The following IGF1R variants were observed in gnomAD, a reference collection of about 807,000 sequenced individuals.
IGF1R encodes the protein insulin like growth factor 1 receptor, also known as insulin-like growth factor 1 receptor.
Under a neutral mutation model 144.6 loss-of-function variants are expected in IGF1R, and 44 were observed. The ratio of observed to expected loss-of-function variants is 0.30; its 90% confidence interval spans 0.24 to 0.39. IGF1R has a LOEUF of 0.39. Ranked by LOEUF, IGF1R falls within the 10% of genes least tolerant of loss-of-function variation. The pLI is 1.00. For synonymous variants in IGF1R, 795 were observed against 722.8 expected, an observed-to-expected ratio of 1.10 and a Z score of -1.60; for missense variants, 1,355 against 1,833.7, an observed-to-expected ratio of 0.74 and a Z score of 4.77.
intron 2 of IGF1R, among the ~76,000 whole-genome samples, chr15:98,820,329 C>G (rs539763722): frequency 6.6e-6 from 1 of 152,220 alleles, no homozygotes; most frequent in African/African-American, 2.4e-5. Flanking sequence ...TAAGTGATAA[C>G]TGAGTTGAAA....
intron 2 of IGF1R, among the ~76,000 whole-genome samples, chr15:98,831,126 C>G (rs982145819): frequency 2.0e-5 from 3 of 152,218 alleles, no homozygotes; most frequent in African/African-American, 7.2e-5. Flanking sequence ...CCACCTCCAA[C>G]AATGGGAATC....
At chr15:98,723,408 G>A (rs1030419460) in intron 2 of IGF1R, among the ~76,000 whole-genome samples, 29 of 152,210 alleles carry the variant, frequency 1.9e-4, no homozygotes, top group Admixed American at 3.9e-4. Context: ...ATGGGCAAAT[G>A]AAGGATTTGT....
chr15:98,669,722 G>A (rs2052839307), intron 1 of IGF1R, among the ~76,000 whole-genome samples: 2 of 152,218 alleles, frequency 1.3e-5, no homozygotes, highest in Admixed American at 1.3e-4. Context: ...GGGTGTGGAA[G>A]CTGAGGTGTG....
chr15:98,922,033 G>A (rs1170932687), intron 10 of IGF1R, 115 bp from the exon 11 acceptor site: 4 of 1,095,876 alleles, frequency 3.7e-6, no homozygotes, highest in Non-Finnish European at 5.5e-6. Flanking sequence ...ACCTAAGGGG[G>A]CTCAATAGCT....
In IGF1R at chr15:98,651,062, G is replaced by A. The variant is rs373754449; in HGVS notation, c.94+1387G>A. The A allele has an allele frequency of 1.1e-4, 110 of 985,422 alleles. No individual in the cohort carries two copies. The South Asian group carries it at 1.6e-3, about 14-fold the overall frequency. The allele number at this position is 985,422 out of a possible 1,614,324, so 61.0% of individuals were successfully genotyped here. On this transcript the variant is annotated intron_variant, in intron 1 of 20. Transcript: ENST00000650285. Reference sequence around the variant, plus strand: ...TTTAAATGTCGCAGAACTGGGACTGGGAACGGTGAGGGCGTGTTGGTGAGT... The same window carrying A: ...TTTAAATGTCGCAGAACTGGGACTGAGAACGGTGAGGGCGTGTTGGTGAGT...
chr15:98,652,421 C>T (rs73473417), intron 1 of IGF1R, among the ~76,000 whole-genome samples: 1,643 of 152,216 alleles, frequency 0.011, 40 homozygotes, highest in African/African-American at 0.038. Context: ...GAAGGAGAAC[C>T]CAGAAAAAGA....
At chr15:98,698,600 C>T (rs1054925438) in intron 1 of IGF1R, among the ~76,000 whole-genome samples, 2 of 152,206 alleles carry the variant, frequency 1.3e-5, no homozygotes, top group Admixed American at 1.3e-4. Flanking sequence ...AAGCTCCATC[C>T]AGGTTGTTGC....
chr15:98,868,966 C>T (rs537851054), intron 2 of IGF1R, among the ~76,000 whole-genome samples: 26 of 152,242 alleles, frequency 1.7e-4, no homozygotes, highest in African/African-American at 6.3e-4. Context: ...GAGAGCTGGG[C>T]TTGTGCATAG....
At chr15:98,938,802 C>T (rs2016254580) in intron 17 of IGF1R, among the ~76,000 whole-genome samples, 1 of 152,208 alleles carries the variant, frequency 6.6e-6, no homozygotes, top group Non-Finnish European at 1.5e-5. Flanking sequence ...ACGTGCTCTC[C>T]TTCCTCTTAC....
chr15:98,725,904 C>T (rs1432809928), intron 2 of IGF1R, among the ~76,000 whole-genome samples: 1 of 152,200 alleles, frequency 6.6e-6, no homozygotes, highest in African/African-American at 2.4e-5. Context: ...TATTCACTAT[C>T]ATGAGAATAG....
In IGF1R at chr15:98,891,472, C is replaced by T. The variant is rs375677658; in HGVS notation, c.788C>T (p.Ala263Val). The T allele has an allele frequency of 7.6e-5, 123 of 1,614,144 alleles. No homozygotes were observed. In the South Asian group the frequency reaches 1.2e-3, roughly 16 times the overall value. The change falls in exon 3 of 21, where the codon GCC (alanine) becomes GTC (valine). Residue 263 changes from alanine (A) to valine (V), a missense_variant. Coordinates refer to ENST00000650285, the MANE Select transcript of IGF1R (RefSeq NM_000875.5). The surrounding 1 kb of genome is among the most constrained non-coding windows in gnomAD (Gnocchi z 4.7). ...TACTATGCCGGTGTCTGTGTGCCTG[C>T]CTGCCCGCCCAACACCTACAGGTTT... ...HYYYAGVCVP[A>V]CPPNTYRFEG...
chr15:98,957,058 C>T lies in IGF1R; in HGVS notation c.3723-3C>T, dbSNP rs758589597. 1.9e-6 allele frequency: 3 copies of T among 1,614,188 alleles called. No individual in the cohort carries two copies. Among genetic ancestry groups the T allele is most frequent in the Non-Finnish European group, 2.5e-6 (3 of 1,180,036 alleles). On this transcript the variant is annotated splice_polypyrimidine_tract_variant and splice_region_variant and intron_variant, in intron 20 of 20. Transcript: ENST00000650285. ...GACCCCCTCCCGTGTGTCTTGGCTG[C>T]AGGTTTGAACTGATGCGCATGTGCT...
chr15:98,821,278 A>AC (rs2056796659), intron 2 of IGF1R, among the ~76,000 whole-genome samples: 2 of 145,674 alleles, frequency 1.4e-5, no homozygotes, highest in African/African-American at 5.3e-5. Flanking sequence ...TATTTTAAAC[A>AC]CGCCTCCCCC....
intron 1 of IGF1R, among the ~76,000 whole-genome samples, chr15:98,695,110 A>G (rs536082890): frequency 6.6e-6 from 1 of 152,320 alleles, no homozygotes; most frequent in South Asian, 2.1e-4. Flanking sequence ...AAAAACAAGA[A>G]TTTGATATTC....
intron 1 of IGF1R, among the ~76,000 whole-genome samples, chr15:98,663,644 C>T (rs1019360413): frequency 2.0e-5 from 3 of 152,162 alleles, no homozygotes; most frequent in African/African-American, 7.2e-5. Flanking sequence ...TAGAGGAGTC[C>T]AGGCTGGAGA....
intron 1 of IGF1R, among the ~76,000 whole-genome samples, chr15:98,664,139 G>T (rs2052667789): frequency 6.6e-6 from 1 of 152,198 alleles, no homozygotes; most frequent in African/African-American, 2.4e-5. Flanking sequence ...TTAGGAGAGT[G>T]AATTCTGAAT....
intron 1 of IGF1R, among the ~76,000 whole-genome samples, chr15:98,662,901 A>G (rs1321680160): frequency 6.6e-6 from 1 of 152,070 alleles, no homozygotes; most frequent in Non-Finnish European, 1.5e-5. Context: ...GAAGGAATTG[A>G]CTGCTGGCTA....
At chr15:98,695,989 C>T (rs1349159265) in intron 1 of IGF1R, among the ~76,000 whole-genome samples, 1 of 151,464 alleles carries the variant, frequency 6.6e-6, no homozygotes, top group Admixed American at 6.6e-5. Flanking sequence ...TACTAAGTCT[C>T]CCTTAGGTAC....
intron 4 of IGF1R, among the ~76,000 whole-genome samples, chr15:98,898,001 G>A (rs947979122): frequency 7.3e-5 from 11 of 151,586 alleles, no homozygotes; most frequent in East Asian, 1.9e-4. Flanking sequence ...TGTTAAATGA[G>A]TAGACTGTAT....
Sources: gnomAD v4.1 joint callset for allele counts (sites outside exome capture counted in the v4.1 genomes callset) on GRCh38, gnomAD v4.1.1 for gene constraint, Gnocchi (gnomAD v3.1) non-coding constraint, MANE v1.5 for transcripts, NCBI Gene and HGNC (gene_info 2026-07-23, HGNC 2026-07-21) for gene names.